Variants in GPD2 observed in about 807,000 individuals in gnomAD.
GPD2 encodes glycerol-3-phosphate dehydrogenase, mitochondrial.
Under a neutral mutation model 82.4 loss-of-function variants are expected in GPD2, and 54 were observed. That is an observed-to-expected ratio of 0.66 (90% CI 0.53 to 0.82). GPD2 has a LOEUF of 0.82. Ranked by LOEUF, GPD2 falls within the 40% of genes least tolerant of loss-of-function variation. The pLI is 0.00. For missense variants in GPD2, 748 were observed against 896.2 expected (o/e 0.83, Z 2.11); for synonymous variants, 288 against 306.1 (o/e 0.94, Z 0.62).
chr2:156,478,166 A>G (rs1042819013), intron 2 of GPD2, among the ~76,000 whole-genome samples: 5 of 152,200 alleles, frequency 3.3e-5, no homozygotes, highest in Admixed American at 2.6e-4. Context: ...TCTGGCCCCA[A>G]GCAGTCAAGT....
intron 6 of GPD2, among the ~76,000 whole-genome samples, chr2:156,531,514 G>T (rs1363073446): frequency 6.6e-6 from 1 of 152,198 alleles, no homozygotes; most frequent in Admixed American, 6.5e-5. Context: ...AAAAACCGGG[G>T]TCTCTCATTT....
intron 9 of GPD2, among the ~76,000 whole-genome samples, chr2:156,565,771 A>G (rs1222475121): frequency 1.3e-5 from 2 of 152,116 alleles, no homozygotes; most frequent in African/African-American, 4.8e-5. Flanking sequence ...ATTTTAGATC[A>G]AGATGGAGAA....
intron 6 of GPD2, among the ~76,000 whole-genome samples, chr2:156,538,839 G>A (rs933409585): frequency 6.6e-4 from 55 of 83,556 alleles, no homozygotes; most frequent in African/African-American, 1.6e-3. Flanking sequence ...AAAAAAAAAA[G>A]ATCAGGATTT....
rs759052776 is a variant in GPD2 at position 156,510,809 on chromosome 2, C to T, written c.288C>T (p.Ala96=). The change falls in exon 4 of 17, where the codon GCC becomes GCT. Residue 96 remains alanine (A), a synonymous_variant. Coordinates refer to ENST00000438166, the MANE Select transcript of GPD2 (RefSeq NM_000408.5). Reference sequence around the variant, plus strand: ...CTGGTTACACAGGACTAAAAACAGCCCTTGTAGAAAGAGATGATTTCTCAT... The same window carrying T: ...CTGGTTACACAGGACTAAAAACAGCTCTTGTAGAAAGAGATGATTTCTCAT... The part of the protein sequence containing the change: ...LDAVTRGLKT[A]LVERDDFSSG... 6.2e-7 allele frequency: 1 copy of T among 1,612,780 alleles called. No individual in the cohort carries two copies. The highest frequency in any genetic ancestry group is 1.3e-5 in the African/African-American group (1 of 74,818).
chr2:156,444,003 C>T (rs1194122001), intron 1 of GPD2, among the ~76,000 whole-genome samples: 3 of 152,238 alleles, frequency 2.0e-5, no homozygotes, highest in Non-Finnish European at 2.9e-5. Context: ...CCTGCAGCCA[C>T]ATTATAGCCA....
At chr2:156,403,114 C>CAAAAAAAA in the GPD2 span, among the ~76,000 whole-genome samples, 7,512 of 66,660 alleles carry the variant, frequency 0.11, 1,017 homozygotes, top group Non-Finnish European at 0.12. Flanking sequence ...GCCCCTGTCT[C>CAAAAAAAA]AAAAAAAAAA....
At chr2:156,432,302 G>A (rs1034141449), upstream of GPD2, among the ~76,000 whole-genome samples, 1 of 152,140 alleles carries the variant, frequency 6.6e-6, no homozygotes, top group African/African-American at 2.4e-5. Context: ...ACATGTGTAG[G>A]TTTGTTTCAA....
At chr2:156,422,373 G>A in the GPD2 span, among the ~76,000 whole-genome samples, 12 of 152,148 alleles carry the variant, frequency 7.9e-5, no homozygotes, top group South Asian at 2.1e-4. Context: ...ATTGGAAACT[G>A]TCTTTGTAGG....
At chr2:156,440,547 C>T (rs762619983) in intron 1 of GPD2, among the ~76,000 whole-genome samples, 14 of 152,086 alleles carry the variant, frequency 9.2e-5, no homozygotes, top group African/African-American at 3.4e-4. Flanking sequence ...TTTGATCTCT[C>T]GTTAGAGACT....
intron 13 of GPD2, among the ~76,000 whole-genome samples, chr2:156,578,294 A>G (rs1321041283): frequency 6.6e-6 from 1 of 152,112 alleles, no homozygotes; most frequent in East Asian, 1.9e-4. Context: ...ATCTCATGAG[A>G]TATACCTTCA....
chr2:156,470,440 C>T (rs575885703), intron 1 of GPD2, among the ~76,000 whole-genome samples: 35 of 152,280 alleles, frequency 2.3e-4, no homozygotes, highest in African/African-American at 8.4e-4. Flanking sequence ...ATCAAAGAAT[C>T]CTCCTGCCTT....
At chr2:156,438,124 G>A (rs1158219254) in intron 1 of GPD2, among the ~76,000 whole-genome samples, 1 of 151,842 alleles carries the variant, frequency 6.6e-6, no homozygotes, top group Non-Finnish European at 1.5e-5. Flanking sequence ...ATGCCTAGAG[G>A]GGTGACTAGC....
intron 3 of GPD2, among the ~76,000 whole-genome samples, chr2:156,501,396 G>A (rs1380198021): frequency 6.6e-6 from 1 of 152,086 alleles, no homozygotes; most frequent in Non-Finnish European, 1.5e-5. Context: ...ATGAACTTGG[G>A]TCATGTCTTG....
In GPD2 at chr2:156,512,295, C is replaced by A; in HGVS notation, c.475C>A (p.Pro159Thr). Residue 159 changes from proline (P) to threonine (T), a missense_variant, in exon 5 of 17, where the codon CCT (proline) becomes ACT (threonine). Transcript: ENST00000438166. ...EIAPHLSAPL[P>T]IMLPVYKWWQ... ...TGCTCCCCATTTATCAGCTCCATTG[C>A]CTATAATGCTTCCAGTTTACAAGTA... 6.3e-7 allele frequency: 1 copy of A among 1,580,434 alleles called. No homozygotes were observed. The highest frequency in any genetic ancestry group is 1.1e-5 in the South Asian group (1 of 90,434).
intron 1 of GPD2, among the ~76,000 whole-genome samples, chr2:156,443,926 G>A (rs879704073): frequency 6.6e-6 from 1 of 152,158 alleles, no homozygotes; most frequent in East Asian, 1.9e-4. Flanking sequence ...GATTCTATGG[G>A]GACAGCGCAT....
At chr2:156,484,539 TA>T (rs1339519588) in intron 2 of GPD2, among the ~76,000 whole-genome samples, 1 of 152,192 alleles carries the variant, frequency 6.6e-6, no homozygotes, top group Non-Finnish European at 1.5e-5. Flanking sequence ...TGTTGCTTTT[TA>T]AAAATTCTTT....
chr2:156,430,539 T>A (rs1009071726), upstream of GPD2, among the ~76,000 whole-genome samples: 2 of 152,258 alleles, frequency 1.3e-5, no homozygotes, highest in African/African-American at 4.8e-5. Context: ...AAGAGATGAC[T>A]TGAGCTCACA....
At chr2:156,581,259 A>C (rs1688014180) in intron 16 of GPD2, among the ~76,000 whole-genome samples, 1 of 152,154 alleles carries the variant, frequency 6.6e-6, no homozygotes, top group Admixed American at 6.5e-5. Context: ...GTGATTTTCA[A>C]CTTTAAAATG....
the GPD2 span, among the ~76,000 whole-genome samples, chr2:156,428,672 C>G: frequency 3.3e-5 from 5 of 152,198 alleles, no homozygotes; most frequent in Non-Finnish European, 5.9e-5. Flanking sequence ...ATACACTTCC[C>G]ATTAAATTGT....
Sources: allele counts gnomAD v4.1 joint callset (sites outside exome capture counted in the v4.1 genomes callset), GRCh38; gene constraint gnomAD v4.1.1; transcripts MANE v1.5; gene names NCBI Gene and HGNC (gene_info 2026-07-23, HGNC 2026-07-21).